Variants in VIPAS39 observed in about 807,000 individuals in gnomAD.
VIPAS39 encodes the protein spermatogenesis-defective protein 39 homolog.
In VIPAS39, 63 loss-of-function variants were observed where a neutral mutation model predicts 84.7. That is an observed-to-expected ratio of 0.74 (90% CI 0.61 to 0.92). VIPAS39 has a LOEUF of 0.92. Among genes scored for constraint, VIPAS39 ranks in the 40% least tolerant of loss-of-function variants. The pLI, the probability that VIPAS39 is intolerant of heterozygous loss-of-function variation, is 0.00. For synonymous variants in VIPAS39, 192 were observed against 216.5 expected, an observed-to-expected ratio of 0.89 and a Z score of 0.99; for missense variants, 499 against 604.5, an observed-to-expected ratio of 0.83 and a Z score of 1.83.
intron 7 of VIPAS39, among the ~76,000 whole-genome samples, chr14:77,444,921 G>A (rs1443394097): frequency 6.7e-6 from 1 of 149,602 alleles, no homozygotes; most frequent in East Asian, 2.0e-4. Flanking sequence ...TTCATAATTT[G>A]CATACAGTAA....
At chr14:77,447,128 G>A (rs565343083) in intron 7 of VIPAS39, among the ~76,000 whole-genome samples, 16 of 150,846 alleles carry the variant, frequency 1.1e-4, no homozygotes, top group African/African-American at 3.9e-4. Flanking sequence ...AGGTTCAAAC[G>A]ATTCTCTTGC....
At chr14:77,446,049 A>C (rs531223041) in intron 7 of VIPAS39, among the ~76,000 whole-genome samples, 18 of 146,006 alleles carry the variant, frequency 1.2e-4, no homozygotes, top group African/African-American at 4.6e-4. Flanking sequence ...TGGCTTTAAC[A>C]GTGGTTTCTA....
intron 16 of VIPAS39, among the ~76,000 whole-genome samples, chr14:77,433,601 G>C (rs1166751875): frequency 6.6e-6 from 1 of 152,196 alleles, no homozygotes; most frequent in East Asian, 1.9e-4. Context: ...TAGAAAAAGA[G>C]AAAGCATACA....
Position 77,428,431 on chromosome 14 carries a change from C to A in VIPAS39, c.1400G>T (p.Arg467Met), listed in dbSNP as rs558959240. The change falls in exon 19 of 20, where the codon AGG (arginine) becomes ATG (methionine). Residue 467 changes from arginine (R) to methionine (M), a missense_variant. Coordinates refer to ENST00000557658, the MANE Select transcript of VIPAS39 (RefSeq NM_001193315.2). Reference sequence around the variant, plus strand: ...TGCTGATCCTTTATCTACCTTACTCCTGTATGCTAGCAACTGTTGACGATC... The same window carrying A: ...TGCTGATCCTTTATCTACCTTACTCATGTATGCTAGCAACTGTTGACGATC... ...LKDRQQLLAY[R>M]SKVDKGSAEE... is the part of the protein sequence containing the mutation. The A allele has an allele frequency of 1.2e-6, 2 of 1,614,130 alleles. No individual in the cohort carries two copies. Among genetic ancestry groups the A allele is most frequent in the Non-Finnish European group, 1.7e-6 (2 of 1,180,012 alleles).
At chr14:77,451,446 C>G in intron 3 of VIPAS39, 113 bp from the exon 4 acceptor site, 1 of 1,504,130 alleles carries the variant, frequency 6.6e-7, no homozygotes, top group Non-Finnish European at 9.2e-7. Flanking sequence ...CCTTGGCCAA[C>G]TTGGGGCAGG....
At chr14:77,440,691 T>C (rs1415597631) in intron 11 of VIPAS39, among the ~76,000 whole-genome samples, 2 of 152,180 alleles carry the variant, frequency 1.3e-5, no homozygotes, top group African/African-American at 2.4e-5. Context: ...GTTCAATCAG[T>C]CTGGGATCTT....
Position 77,441,090 on chromosome 14 carries a change from G to A in VIPAS39, c.738C>T (p.Phe246=). 6.2e-7 allele frequency: 1 copy of A among 1,611,698 alleles called. No individual in the cohort carries two copies. The highest frequency in any genetic ancestry group is 1.4e-5 in the African/African-American group (1 of 73,224). Residue 246 remains phenylalanine, a synonymous_variant, in exon 11 of 20, where the codon TTC becomes TTT. Transcript: ENST00000557658. ...DQKLLLDLFR[F]LDRTEELALS... is the part of the protein sequence containing the mutation. The stretch of plus-strand genomic sequence containing the variant: ...CCGCAAGCTCTTCTGTTCTATCTAG[G>A]AACCTGGGAAGAAGCAGAAGGGAGC...
Position 77,442,642 on chromosome 14 carries a change from C to T in VIPAS39, c.652G>A (p.Glu218Lys). 1 of 1,614,186 alleles carries T rather than the reference C, an allele frequency of 6.2e-7. No homozygotes were observed. The highest frequency in any genetic ancestry group is 1.3e-5 in the African/African-American group (1 of 75,042). ...TGTCTCAGGGCAACCTGTCGCACCT[C>T]CAGCTCTCGGAAGAGGATCTCTGTC... is the stretch of plus-strand genomic sequence containing the variant. ...LSKEILFREL[E>K]VRQVALRHLI... The change falls in exon 10 of 20, where the codon GAG (glutamate) becomes AAG (lysine). Residue 218 changes from glutamate to lysine, a missense_variant. Coordinates refer to ENST00000557658, the MANE Select transcript of VIPAS39 (RefSeq NM_001193315.2).
At position 77,437,793 on chromosome 14, in the gene VIPAS39, T is replaced by C. The variant is rs142958086; in HGVS notation, c.836+15A>G. 13,696 of 1,612,554 alleles carry C rather than the reference T, an allele frequency of 8.5e-3. 160 individuals are homozygous for C. The highest frequency in any genetic ancestry group is 0.038 in the South Asian group (3,427 of 91,030). On this transcript the variant is annotated intron_variant, in intron 12 of 19. Transcript: ENST00000557658. ...AAGGTATTTATACTTAAAATCATTT[T>C]TCCCCCATACTTACCCAACACAGGT... is the stretch of plus-strand genomic sequence containing the variant.
At position 77,433,834 on chromosome 14, in the gene VIPAS39, G is replaced by A; in HGVS notation, c.1179+8C>T. On this transcript the variant is annotated splice_region_variant and intron_variant, in intron 16 of 19. Coordinates refer to ENST00000557658, the MANE Select transcript of VIPAS39 (RefSeq NM_001193315.2). ...AAGGCCTCAGCAGCACAGGGGCAGGGCACACACCTTTGTGGTGAATAGGGC... is the reference window on the plus strand; with the variant it reads ...AAGGCCTCAGCAGCACAGGGGCAGGACACACACCTTTGTGGTGAATAGGGC... 1 of 1,613,578 alleles carries A rather than the reference G, an allele frequency of 6.2e-7. No individual in the cohort carries two copies. Among genetic ancestry groups the A allele is most frequent in the South Asian group, 1.1e-5 (1 of 91,024 alleles).
At chr14:77,454,551 G>A (rs1396586064) in intron 1 of VIPAS39, among the ~76,000 whole-genome samples, 3 of 151,920 alleles carry the variant, frequency 2.0e-5, no homozygotes, top group African/African-American at 7.3e-5. Flanking sequence ...GCGCATGCCT[G>A]TAATCCCAGC....
Position 77,442,799 on chromosome 14 carries a change from CT to C in VIPAS39, c.632-138del, listed in dbSNP as rs2078723490. ...AGCTAAGAATGGTTTACCCCTATGT[CT>C]TAATTCACCATCAACACACTCAGCT... On this transcript the variant is annotated intron_variant, in intron 9 of 19. Transcript: ENST00000557658. 1.0e-4 allele frequency: 88 copies of C among 850,406 alleles called. 1 individual carries two copies. The South Asian group carries it at 1.1e-3, about 11-fold the overall frequency. 52.7% of individuals were successfully genotyped at this position (850,406 alleles called of 1,614,324 possible). A position where few individuals can be genotyped will look rare whatever the true frequency, so the allele number is the denominator to read the frequency against.
intron 11 of VIPAS39, among the ~76,000 whole-genome samples, chr14:77,439,246 G>A (rs1304304053): frequency 6.6e-6 from 1 of 151,884 alleles, no homozygotes; most frequent in Non-Finnish European, 1.5e-5. Context: ...AGAAAATAAA[G>A]TTTTAGATAA....
At chr14:77,450,134 C>T (rs540678409) in intron 4 of VIPAS39, among the ~76,000 whole-genome samples, 1 of 152,330 alleles carries the variant, frequency 6.6e-6, no homozygotes, top group South Asian at 2.1e-4. Context: ...ACTCTCCATT[C>T]CCTCCACCCC....
intron 10 of VIPAS39, among the ~76,000 whole-genome samples, chr14:77,441,998 G>GC (rs1374843570): frequency 6.6e-6 from 1 of 152,084 alleles, no homozygotes; most frequent in Admixed American, 6.6e-5. Context: ...AGTTTCATAG[G>GC]CCCATGCAAA....
chr14:77,448,381 T>C, intron 7 of VIPAS39, 113 bp downstream of exon 7: 1 of 1,110,716 alleles, frequency 9.0e-7, no homozygotes, highest in Non-Finnish European at 1.4e-6. Flanking sequence ...GGATTTATTT[T>C]CCCCCTGAAA....
Position 77,426,703 on chromosome 14 carries a change from T to C in VIPAS39, c.*913A>G, listed in dbSNP as rs2078437704. ...GGCACCAAGGAAGAAATACCTTTAT[T>C]AGGAGTCTAGGCATGTCAGAAAAAC... is the stretch of plus-strand genomic sequence containing the variant. On this transcript the variant is annotated 3_prime_UTR_variant, in exon 20 of 20. Transcript: ENST00000557658. 1.3e-5 allele frequency: 2 copies of C among 152,182 alleles called. No homozygotes were observed. The highest frequency in any genetic ancestry group is 2.4e-5 in the African/African-American group (1 of 41,424). 9.4% of individuals were successfully genotyped at this position (152,182 alleles called of 1,614,324 possible). A position where few individuals can be genotyped will look rare whatever the true frequency, so the allele number is the denominator to read the frequency against.
chr14:77,449,375 G>A lies in VIPAS39; in HGVS notation c.383-18C>T. On this transcript the variant is annotated intron_variant, in intron 5 of 19. Transcript: ENST00000557658. The stretch of plus-strand genomic sequence containing the variant: ...TGACAGAGCTGAAAAAGAATAAGCA[G>A]CTGGTTCAGAAGGGCACCATGAATC... The A allele has an allele frequency of 6.2e-7, 1 of 1,614,094 alleles. No homozygotes were observed. The highest frequency in any genetic ancestry group is 8.5e-7 in the Non-Finnish European group (1 of 1,179,978).
intron 14 of VIPAS39, 67 bp downstream of exon 14, chr14:77,435,192 A>T: frequency 1.2e-6 from 2 of 1,606,574 alleles, no homozygotes. Context: ...ACATAAAAGT[A>T]CTGGATTTGA....
Sources: gnomAD v4.1 joint callset for allele counts (sites outside exome capture counted in the v4.1 genomes callset) on GRCh38, gnomAD v4.1.1 for gene constraint, MANE v1.5 for transcripts, NCBI Gene and HGNC (gene_info 2026-07-23, HGNC 2026-07-21) for gene names.